WWOX: variants seen among roughly 807,000 people sequenced by gnomAD.
WWOX encodes the protein WW domain-containing oxidoreductase.
A neutral mutation model predicts 46.2 loss-of-function variants in WWOX; 69 were observed. That is an observed-to-expected ratio of 1.49 (90% CI 1.23 to 1.82). WWOX has a LOEUF of 1.82. Among genes scored for constraint, WWOX ranks in the 40% most tolerant of loss-of-function variants. The pLI, the probability that WWOX is intolerant of heterozygous loss-of-function variation, is 0.00. For missense variants in WWOX, 919 were observed against 542.6 expected (o/e 1.69, Z -6.89); for synonymous variants, 359 against 202.6 (o/e 1.77, Z -6.56).
intron 8 of WWOX, among the ~76,000 whole-genome samples, chr16:78,606,359 A>G (rs2045756412): frequency 6.6e-6 from 1 of 152,148 alleles, no homozygotes; most frequent in African/African-American, 2.4e-5. Context: ...ATTAATGTAG[A>G]AGTACAAAGG....
At chr16:78,144,435 A>ATATATATACG (rs2034097884) in intron 4 of WWOX, among the ~76,000 whole-genome samples, 2 of 16,904 alleles carry the variant, frequency 1.2e-4, no homozygotes, top group African/African-American at 7.7e-4. Flanking sequence ...ATTACTATAT[A>ATATATATACG]TATATATATA....
chr16:78,325,849 G>C (rs1215579093), intron 5 of WWOX, among the ~76,000 whole-genome samples: 1 of 152,236 alleles, frequency 6.6e-6, no homozygotes, highest in Non-Finnish European at 1.5e-5. Flanking sequence ...CTCATTGGGA[G>C]CTTTGGATAA....
intron 8 of WWOX, among the ~76,000 whole-genome samples, chr16:78,482,456 C>A (rs906362338): frequency 1.3e-5 from 2 of 152,188 alleles, no homozygotes; most frequent in South Asian, 4.1e-4. Flanking sequence ...CTCCTCACTT[C>A]AGGTGATCTG....
At chr16:78,761,102 TG>T (rs2049781512) in intron 8 of WWOX, among the ~76,000 whole-genome samples, 1 of 152,132 alleles carries the variant, frequency 6.6e-6, no homozygotes, top group Non-Finnish European at 1.5e-5. Context: ...GCGATTTGGG[TG>T]GGGACAGAGC....
intron 8 of WWOX, among the ~76,000 whole-genome samples, chr16:78,711,921 C>A (rs1336189016): frequency 6.6e-6 from 1 of 152,152 alleles, no homozygotes; most frequent in Admixed American, 6.5e-5. Context: ...GAACAAAGCT[C>A]TCTTGGAAAA....
intron 3 of WWOX, among the ~76,000 whole-genome samples, chr16:78,114,668 A>G (rs961716879): frequency 6.7e-6 from 1 of 148,916 alleles, no homozygotes; most frequent in Non-Finnish European, 1.5e-5. Context: ...CATGAATTAC[A>G]TAAAAGCCCA....
At chr16:78,635,982 A>G (rs2046558608) in intron 8 of WWOX, among the ~76,000 whole-genome samples, 1 of 152,160 alleles carries the variant, frequency 6.6e-6, no homozygotes. Flanking sequence ...TGCACGGTTA[A>G]TACAATTCCG....
chr16:78,767,174 G>A (rs1264033610), intron 8 of WWOX, among the ~76,000 whole-genome samples: 3 of 150,574 alleles, frequency 2.0e-5, no homozygotes, highest in Admixed American at 1.3e-4. Flanking sequence ...AGGCTGGGGT[G>A]CAGTGGCACA....
chr16:78,366,553 C>T (rs2081540222), intron 5 of WWOX, among the ~76,000 whole-genome samples: 1 of 152,190 alleles, frequency 6.6e-6, no homozygotes, highest in Non-Finnish European at 1.5e-5. Flanking sequence ...TAGTGGTCAA[C>T]TAACTGTGCC....
At chr16:78,663,850 G>T (rs527255558) in intron 8 of WWOX, among the ~76,000 whole-genome samples, 2 of 152,136 alleles carry the variant, frequency 1.3e-5, no homozygotes, top group African/African-American at 4.8e-5. Flanking sequence ...AAAGGCCCTG[G>T]GGTGGAAACA....
chr16:78,109,231 G>T (rs1597208963), intron 2 of WWOX, among the ~76,000 whole-genome samples: 1 of 152,080 alleles, frequency 6.6e-6, no homozygotes, highest in Non-Finnish European at 1.5e-5. Flanking sequence ...TTGTGCTTGT[G>T]ATCCCAGCCC....
intron 8 of WWOX, among the ~76,000 whole-genome samples, chr16:78,484,830 G>C (rs370626703): frequency 1.1e-3 from 162 of 152,272 alleles, no homozygotes; most frequent in African/African-American, 3.9e-3. Flanking sequence ...GGGTGGGGTG[G>C]GGGGAAGCGA....
intron 4 of WWOX, among the ~76,000 whole-genome samples, chr16:78,138,869 C>T (rs1315823386): frequency 2.0e-5 from 3 of 152,198 alleles, no homozygotes; most frequent in Admixed American, 6.5e-5. Context: ...CATCATTTGG[C>T]ATCTCTATTA....
At chr16:78,409,155 T>C (rs1211324007) in intron 6 of WWOX, among the ~76,000 whole-genome samples, 2 of 152,206 alleles carry the variant, frequency 1.3e-5, no homozygotes, top group African/African-American at 2.4e-5. Context: ...CCAGGTAGGA[T>C]GTGATCAGTG....
chr16:78,725,200 G>GTA (rs2048795852), intron 8 of WWOX, among the ~76,000 whole-genome samples: 1 of 152,072 alleles, frequency 6.6e-6, no homozygotes. Flanking sequence ...CTACTGCCAT[G>GTA]TATGATGTGC....
intron 8 of WWOX, among the ~76,000 whole-genome samples, chr16:78,925,772 A>C (rs926713227): frequency 3.3e-5 from 5 of 152,320 alleles, no homozygotes; most frequent in African/African-American, 1.2e-4. Flanking sequence ...TTGTTCTTGC[A>C]GGGTGAGGCT....
intron 8 of WWOX, among the ~76,000 whole-genome samples, chr16:78,713,812 C>T (rs1215866965): frequency 6.6e-6 from 1 of 152,142 alleles, no homozygotes; most frequent in Non-Finnish European, 1.5e-5. Context: ...CTTATGGCAA[C>T]CCCTGTAGAT....
chr16:78,937,711 G>T (rs1048739239), intron 8 of WWOX, among the ~76,000 whole-genome samples: 2 of 151,654 alleles, frequency 1.3e-5, no homozygotes, highest in East Asian at 3.9e-4. Flanking sequence ...TGCAACCTCC[G>T]CCTCCTGGGT....
rs2046242181 is a variant in WWOX, at chr16:78,623,690, T to C, written c.1056+190938T>C. On this transcript the variant is annotated intron_variant, in intron 8 of 8. Coordinates refer to ENST00000566780, the MANE Select transcript of WWOX (RefSeq NM_016373.4). Reference sequence around the variant, plus strand: ...AGCCATGATGTTATTAGCTGAGTCATGTCACTGCACCTCCAGCCTGGGCAA... The same window carrying C: ...AGCCATGATGTTATTAGCTGAGTCACGTCACTGCACCTCCAGCCTGGGCAA... 2.7e-5 allele frequency among the ~76,000 whole-genome samples: 4 copies of C among 150,508 alleles called. 1 individual carries two copies. In the South Asian group the frequency reaches 8.4e-4, roughly 32 times the overall value.
Sources: allele counts gnomAD v4.1 joint callset (sites outside exome capture counted in the v4.1 genomes callset), GRCh38; gene constraint gnomAD v4.1.1; transcripts MANE v1.5; gene names NCBI Gene and HGNC (gene_info 2026-07-23, HGNC 2026-07-21).